EBP: variants seen among roughly 807,000 people sequenced by gnomAD.
EBP encodes 3-beta-hydroxysteroid-Delta(8),Delta(7)-isomerase.
Under a neutral mutation model 14.1 loss-of-function variants are expected in EBP, and 1 was observed. The ratio of observed to expected loss-of-function variants is 0.07; its 90% CI spans 0.03 to 0.34. The LOEUF is 0.34. Among genes scored for constraint, EBP ranks in the 10% least tolerant of loss-of-function variants. EBP has a pLI of 0.99. For synonymous variants in EBP, 72 were observed against 77.7 expected, an observed-to-expected ratio of 0.93 and a Z score of 0.38; for missense variants, 123 against 184.6, an observed-to-expected ratio of 0.67 and a Z score of 1.93.
chrX:48,527,917 G>T (rs1198925778), intron 4 of EBP, among the ~76,000 whole-genome samples: 1 of 111,879 alleles, frequency 8.9e-6, no homozygotes, highest in Admixed American at 9.5e-5. Flanking sequence ...CAGTCATCTT[G>T]TGTTATTAAA....
chrX:48,526,903 G>A (rs2061780720), intron 2 of EBP, 86 bp from the exon 3 acceptor site: 28 of 1,078,441 alleles, frequency 2.6e-5, no homozygotes, highest in Non-Finnish European at 3.6e-5. Flanking sequence ...TATGAAGTCT[G>A]TCTTCTTGCA....
rs2061781845 is a variant in EBP, at chrX:48,527,185, C to A, written c.369C>A (p.Thr123=). Residue 123 remains threonine (T), a synonymous_variant, in exon 4 of 5, where the codon ACC becomes ACA. Transcript: ENST00000495186. ...ACAACTTCACAGTGTGCATGGAAAC[C>A]ATCACAGCTTGCCTGTGGGGACCAC... The part of the protein sequence containing the change: ...LGDNFTVCME[T]ITACLWGPLS... 1 of 1,211,903 alleles carries A rather than the reference C, an allele frequency of 8.3e-7. No homozygotes were observed. The highest frequency in any genetic ancestry group is 1.8e-5 in the South Asian group (1 of 56,994).
chrX:48,526,733 C>T, intron 2 of EBP: 1 of 428,764 alleles, frequency 2.3e-6, no homozygotes, highest in South Asian at 3.3e-5. Flanking sequence ...ATCATCTACA[C>T]CTGCTTCCTT....
intron 1 of EBP, 101 bp downstream of exon 1, chrX:48,522,008 C>CCA (rs1183289102): frequency 9.2e-6 from 1 of 109,279 alleles, no homozygotes; most frequent in Non-Finnish European, 1.9e-5. Flanking sequence ...CACCCGCCCC[C>CCA]CCCACCGCCC....
intron 2 of EBP, among the ~76,000 whole-genome samples, chrX:48,526,250 C>G (rs2061778806): frequency 9.1e-6 from 1 of 110,326 alleles, no homozygotes; most frequent in Non-Finnish European, 1.9e-5. Flanking sequence ...GAACATCTTT[C>G]ATATACTTAT....
In EBP at chrX:48,526,631, G is replaced by A. The variant is rs372407088; in HGVS notation, c.302-358G>A. ...ACAGGCATGAGCCATCGTGCCCGGC[G>A]GTCTTTTTCTTTCTGATTCTCTGCT... On this transcript the variant is annotated intron_variant, in intron 2 of 4. Coordinates refer to ENST00000495186, the MANE Select transcript of EBP (RefSeq NM_006579.3). 1.7e-4 allele frequency among the ~76,000 whole-genome samples: 19 copies of A among 111,259 alleles called. No homozygotes were observed. In the South Asian group the frequency reaches 3.0e-3, roughly 18 times the overall value.
chrX:48,526,949 A>T (rs2061780837), intron 2 of EBP, 40 bp from the exon 3 acceptor site: 1 of 1,204,631 alleles, frequency 8.3e-7, no homozygotes, highest in African/African-American at 1.7e-5. Flanking sequence ...TGTTCCTTTC[A>T]CTGCCTTTAT....
chrX:48,527,437 G>A, intron 4 of EBP, 152 bp downstream of exon 4: 1 of 910,130 alleles, frequency 1.1e-6, no homozygotes, highest in Non-Finnish European at 1.5e-6. Context: ...CTCTGGAAAG[G>A]TCATGCCCTT....
chrX:48,526,089 CAAAA>C (rs781869054), intron 2 of EBP, among the ~76,000 whole-genome samples: 3 of 41,579 alleles, frequency 7.2e-5, no homozygotes, highest in Middle Eastern at 0.012. Flanking sequence ...GGCTCCGTCT[CAAAA>C]AAAAAAAAAA....
intron 4 of EBP, 106 bp from the exon 5 acceptor site, chrX:48,528,128 G>A (rs2061784528): frequency 1.6e-6 from 1 of 633,067 alleles, no homozygotes; most frequent in Admixed American, 3.2e-5. Flanking sequence ...AGAATACTTA[G>A]CTCTGAGACC....
chrX:48,522,914 C>G (rs1285275454), intron 1 of EBP, among the ~76,000 whole-genome samples: 1 of 111,231 alleles, frequency 9.0e-6, no homozygotes. Context: ...CTCAAGTGGT[C>G]CACTCGTCTT....
rs201992088 is a variant in EBP at position 48,523,784 on chromosome X, G to A, written c.13G>A (p.Ala5Thr). MTTN[A>T]GPLHPYWPQH... is the part of the protein sequence containing the mutation. The stretch of plus-strand genomic sequence containing the variant: ...AGCCCACAAAGACATGACTACCAAC[G>A]CGGGCCCCTTGCACCCATACTGGCC... Residue 5 changes from alanine to threonine, a missense_variant, in exon 2 of 5, where the codon GCG becomes ACG. Ala to Thr is a moderately conservative substitution (Grantham distance 58). Transcript: ENST00000495186. 4.2e-4 allele frequency: 495 copies of A among 1,188,544 alleles called. No individual in the cohort carries two copies. Among genetic ancestry groups the A allele is most frequent in the Non-Finnish European group, 5.1e-4 (451 of 887,256 alleles).
At chrX:48,526,437 G>A (rs782178980) in intron 2 of EBP, among the ~76,000 whole-genome samples, 1 of 107,602 alleles carries the variant, frequency 9.3e-6, no homozygotes, top group African/African-American at 3.4e-5. Flanking sequence ...AACCTCCTGG[G>A]CTCAAGACAT....
At chrX:48,526,636 TTTTC>T (rs1176337202) in intron 2 of EBP, among the ~76,000 whole-genome samples, 2 of 112,077 alleles carry the variant, frequency 1.8e-5, no homozygotes, top group African/African-American at 6.5e-5. Context: ...CCGGCGGTCT[TTTTC>T]TTTCTGATTC....
chrX:48,523,711 C>CTTTTTTT lies in EBP; in HGVS notation c.-49_-43dup. On this transcript the variant is annotated 5_prime_UTR_variant, in exon 2 of 5. Transcript: ENST00000495186. ...TCTATTTGTCCAGGTTTTTCTGTTC[C>CTTTTTTT]TTTTTTTTTTTTTTTTTTAACTTCC... 35 of 864,821 alleles carry CTTTTTTT rather than the reference C, an allele frequency of 4.0e-5. No homozygotes were observed. Among genetic ancestry groups the CTTTTTTT allele is most frequent in the South Asian group, 1.2e-4 (5 of 41,019 alleles). The allele number at this position is 864,821 out of a possible 1,213,427, so 71.3% of individuals were successfully genotyped here. A position where few individuals can be genotyped will look rare whatever the true frequency, so the allele number is the denominator to read the frequency against.
chrX:48,523,710 CCTT>C lies in EBP; in HGVS notation c.-61_-59del. Reference sequence around the variant, plus strand: ...TTCTATTTGTCCAGGTTTTTCTGTTCCTTTTTTTTTTTTTTTTTTAACTTCCTG... The same window carrying C: ...TTCTATTTGTCCAGGTTTTTCTGTTCTTTTTTTTTTTTTTTTAACTTCCTG... On this transcript the variant is annotated 5_prime_UTR_variant, in exon 2 of 5. Coordinates refer to ENST00000495186, the MANE Select transcript of EBP (RefSeq NM_006579.3). 1.3e-6 allele frequency: 1 copy of C among 790,531 alleles called. No homozygotes were observed. The highest frequency in any genetic ancestry group is 1.8e-6 in the Non-Finnish European group (1 of 557,130). 65.1% of individuals were successfully genotyped at this position (790,531 alleles called of 1,213,427 possible).
chrX:48,523,587 G>A (rs991413939), intron 1 of EBP, 112 bp from the exon 2 acceptor site: 81 of 422,238 alleles, frequency 1.9e-4, no homozygotes, highest in Non-Finnish European at 2.5e-4. Context: ...GTAATTAGAA[G>A]TGTTACAATC....
intron 4 of EBP, among the ~76,000 whole-genome samples, chrX:48,527,826 A>G (rs1221016139): frequency 9.0e-6 from 1 of 111,600 alleles, no homozygotes; most frequent in Admixed American, 9.5e-5. Flanking sequence ...GGCTGGTCTC[A>G]AGCTCCTGAG....
chrX:48,523,710 CCT>C lies in EBP; in HGVS notation c.-61_-60del. The stretch of plus-strand genomic sequence containing the variant: ...TTCTATTTGTCCAGGTTTTTCTGTT[CCT>C]TTTTTTTTTTTTTTTTTAACTTCCT... On this transcript the variant is annotated 5_prime_UTR_variant, in exon 2 of 5. Transcript: ENST00000495186. 5 of 790,523 alleles carry C rather than the reference CCT, an allele frequency of 6.3e-6. No individual in the cohort carries two copies. The Admixed American group carries it at 1.3e-4, about 21-fold the overall frequency. The allele number at this position is 790,523 out of a possible 1,213,427, so 65.1% of individuals were successfully genotyped here. A position where few individuals can be genotyped will look rare whatever the true frequency, so the allele number is the denominator to read the frequency against.
Sources: allele counts gnomAD v4.1 joint callset (sites outside exome capture counted in the v4.1 genomes callset), GRCh38; gene constraint gnomAD v4.1.1; transcripts MANE v1.5; gene names NCBI Gene and HGNC (gene_info 2026-07-23, HGNC 2026-07-21).